ASAP1: variants seen among roughly 807,000 people sequenced by gnomAD.
ASAP1 encodes the protein ArfGAP with SH3 domain, ankyrin repeat and PH domain 1, also known as arf-GAP with SH3 domain, ANK repeat and PH domain-containing protein 1.
A neutral mutation model predicts 145.2 loss-of-function variants in ASAP1; 43 were observed. That is an observed-to-expected ratio of 0.30 (90% CI 0.23 to 0.38). The LOEUF (loss-of-function observed/expected upper bound fraction) is 0.38, where lower values mean the gene tolerates loss of function less well. Ranked by LOEUF, ASAP1 falls within the 10% of genes least tolerant of loss-of-function variation. ASAP1 has a pLI of 1.00. For missense variants in ASAP1, 1,018 were observed against 1,355.3 expected (o/e 0.75, Z 3.91); for synonymous variants, 546 against 515.5 (o/e 1.06, Z -0.80).
chr8:130,377,387 A>G (rs1159986357), intron 2 of ASAP1, among the ~76,000 whole-genome samples: 1 of 152,180 alleles, frequency 6.6e-6, no homozygotes, highest in African/African-American at 2.4e-5. Context: ...AAAAAAAAAG[A>G]ATTCCTGAGA....
rs1448184178 is a variant in ASAP1 at position 130,072,830 on chromosome 8, C to CGCGCACGCGCGG, written c.2701+3517_2701+3518insCCGCGCGTGCGC. On this transcript the variant is annotated intron_variant, in intron 27 of 29. Coordinates refer to ENST00000518721, the MANE Select transcript of ASAP1 (RefSeq NM_018482.4). ...GTGTGTGTGTGTGTGTGTGTGCGCG[C>CGCGCACGCGCGG]GGGGGGGGGCAGTTTTGGGGACTGA... 2.8e-4 allele frequency among the ~76,000 whole-genome samples: 9 copies of CGCGCACGCGCGG among 31,920 alleles called. No individual in the cohort carries two copies. In the South Asian group the frequency reaches 0.01, roughly 36 times the overall value. The allele number at this position is 31,920 out of a possible 152,430, so 20.9% of individuals were successfully genotyped here.
At chr8:130,232,379 G>GACC (rs892936294) in intron 4 of ASAP1, among the ~76,000 whole-genome samples, 1 of 152,262 alleles carries the variant, frequency 6.6e-6, no homozygotes, top group African/African-American at 2.4e-5. Context: ...AAGGGAGAGG[G>GACC]ACCACTAAGG....
intron 24 of ASAP1, among the ~76,000 whole-genome samples, chr8:130,102,509 T>C (rs143452534): frequency 1.0e-3 from 156 of 152,310 alleles, no homozygotes; most frequent in African/African-American, 3.4e-3. Context: ...AGTATTTGGT[T>C]AGGATTTTTT....
intron 13 of ASAP1, among the ~76,000 whole-genome samples, chr8:130,144,762 T>C (rs1241466647): frequency 1.3e-5 from 2 of 152,220 alleles, no homozygotes; most frequent in Non-Finnish European, 2.9e-5. Context: ...CTAGGGTAGA[T>C]GGCTGAATTC....
At chr8:130,391,846 C>G (rs1172411749) in intron 2 of ASAP1, among the ~76,000 whole-genome samples, 1 of 152,230 alleles carries the variant, frequency 6.6e-6, no homozygotes, top group Non-Finnish European at 1.5e-5. Context: ...TGGGTTCTCT[C>G]AAACAGGAAG....
At chr8:130,194,416 G>A (rs946618285) in intron 5 of ASAP1, among the ~76,000 whole-genome samples, 5 of 152,040 alleles carry the variant, frequency 3.3e-5, no homozygotes, top group Non-Finnish European at 7.4e-5. Flanking sequence ...AGATCTCAAA[G>A]AACAGAAAAC....
chr8:130,303,637 C>A (rs935437563), intron 3 of ASAP1, among the ~76,000 whole-genome samples: 2 of 152,012 alleles, frequency 1.3e-5, no homozygotes, highest in African/African-American at 4.8e-5. Flanking sequence ...ACCTTAAATG[C>A]GTACTGCTAA....
intron 3 of ASAP1, among the ~76,000 whole-genome samples, chr8:130,302,121 T>C (rs756414331): frequency 6.6e-6 from 1 of 152,242 alleles, no homozygotes; most frequent in Non-Finnish European, 1.5e-5. Flanking sequence ...AGGTATAATA[T>C]CTGCATGCAT....
chr8:130,330,959 T>C (rs1319139314), intron 3 of ASAP1, among the ~76,000 whole-genome samples: 2 of 152,164 alleles, frequency 1.3e-5, no homozygotes, highest in African/African-American at 4.8e-5. Context: ...TAGCAGATGA[T>C]ATGGTGTACC....
rs71572335 is a variant in ASAP1 at position 130,418,539 on chromosome 8, A to AAAATAAATAAATAAAT, written c.-27-16585_-27-16570dup. On this transcript the variant is annotated intron_variant, in intron 1 of 29. Transcript: ENST00000518721. ...CTCCAGCCTGGGTGACCTCTGTCTC[A>AAAATAAATAAATAAAT]AAATAAATAAATAAATAAATAAATA... 5.4e-5 allele frequency among the ~76,000 whole-genome samples: 8 copies of AAAATAAATAAATAAAT among 147,740 alleles called. No individual in the cohort carries two copies. The South Asian group carries it at 1.3e-3, about 24-fold the overall frequency.
rs763663248 is a variant in ASAP1 at position 130,127,967 on chromosome 8, C to T, written c.1341G>A (p.Arg447=). 6.2e-7 allele frequency: 1 copy of T among 1,614,012 alleles called. No individual in the cohort carries two copies. Among genetic ancestry groups the T allele is most frequent in the South Asian group, 1.1e-5 (1 of 91,070 alleles). Reference sequence around the variant, plus strand: ...CGCAGCAAATGTCATTCCCTGGGAGCCGCTGGACATCCTCAATAATGGCTT... The same window carrying T: ...CGCAGCAAATGTCATTCCCTGGGAGTCGCTGGACATCCTCAATAATGGCTT... ...LTKAIIEDVQ[R]LPGNDICCDC... Residue 447 remains arginine (R), a synonymous_variant, in exon 16 of 30, where the codon CGG becomes CGA. Coordinates refer to ENST00000518721, the MANE Select transcript of ASAP1 (RefSeq NM_018482.4).
chr8:130,171,580 G>A (rs1291869163), intron 9 of ASAP1, among the ~76,000 whole-genome samples: 2 of 152,150 alleles, frequency 1.3e-5, no homozygotes, highest in African/African-American at 2.4e-5. Flanking sequence ...TGACATGTGG[G>A]GATTATGGAA....
At chr8:130,215,721 G>T (rs555175727) in intron 4 of ASAP1, among the ~76,000 whole-genome samples, 1 of 152,068 alleles carries the variant, frequency 6.6e-6, no homozygotes, top group Non-Finnish European at 1.5e-5. Flanking sequence ...TCCAGCCTGA[G>T]CAACAGAGTG....
intron 28 of ASAP1, among the ~76,000 whole-genome samples, chr8:130,059,348 T>C (rs1161464575): frequency 1.3e-5 from 2 of 152,074 alleles, no homozygotes; most frequent in Non-Finnish European, 2.9e-5. Flanking sequence ...TTATTTTTTA[T>C]AGAGACGGTT....
intron 5 of ASAP1, among the ~76,000 whole-genome samples, chr8:130,194,721 T>C (rs192921418): frequency 6.6e-6 from 1 of 152,294 alleles, no homozygotes; most frequent in East Asian, 1.9e-4. Context: ...ACATTCACAG[T>C]TCACAACAGG....
At chr8:130,062,283 C>T (rs2097421255) in intron 27 of ASAP1, among the ~76,000 whole-genome samples, 2 of 152,160 alleles carry the variant, frequency 1.3e-5, no homozygotes, top group African/African-American at 4.8e-5. Flanking sequence ...ATAACGTATT[C>T]AGAAAGACAT....
chr8:130,195,817 C>T (rs567280043), intron 5 of ASAP1, among the ~76,000 whole-genome samples: 5 of 152,314 alleles, frequency 3.3e-5, no homozygotes, highest in South Asian at 4.1e-4. Flanking sequence ...ACAAATAGCC[C>T]GTTATCCTAG....
At chr8:130,059,883 G>A (rs1485514942) in intron 28 of ASAP1, among the ~76,000 whole-genome samples, 2 of 151,716 alleles carry the variant, frequency 1.3e-5, no homozygotes, top group Non-Finnish European at 2.9e-5. Context: ...TTCAAGACCA[G>A]CCTGGGCAAC....
At chr8:130,207,277 T>C (rs767439652) in intron 5 of ASAP1, among the ~76,000 whole-genome samples, 62 of 152,218 alleles carry the variant, frequency 4.1e-4, no homozygotes, top group Non-Finnish European at 7.6e-4. Flanking sequence ...GGAAGGCATC[T>C]TTAATGAGAG....
Sources: gnomAD v4.1 joint callset for allele counts (sites outside exome capture counted in the v4.1 genomes callset) on GRCh38, gnomAD v4.1.1 for gene constraint, MANE v1.5 for transcripts, NCBI Gene and HGNC (gene_info 2026-07-23, HGNC 2026-07-21) for gene names.